Variants in ZNF3 observed in about 807,000 individuals in gnomAD.
ZNF3 encodes zinc finger protein 3.
In ZNF3, 16 loss-of-function variants were observed where a neutral mutation model predicts 36.9. The ratio of observed to expected loss-of-function variants is 0.43; its 90% confidence interval spans 0.29 to 0.66. The LOEUF (loss-of-function observed/expected upper bound fraction) is 0.66, where lower values mean the gene tolerates loss of function less well. ZNF3 is among the 30% of genes least tolerant of loss of function. The pLI, the probability that ZNF3 is intolerant of heterozygous loss-of-function variation, is 0.13. For synonymous variants in ZNF3, 201 were observed against 201.9 expected (o/e 1.00, Z 0.04); for missense variants, 462 against 543.1 (o/e 0.85, Z 1.48).
At chr7:100,066,609 C>T (rs1792663221), downstream of ZNF3, among the ~76,000 whole-genome samples, 1 of 151,644 alleles carries the variant, frequency 6.6e-6, no homozygotes, top group East Asian at 1.9e-4. Context: ...TGGTGGCGGG[C>T]ACCTGTAGTC....
At chr7:100,078,532 A>G (rs972523766) in intron 2 of ZNF3, 1 of 150,984 alleles carries the variant, frequency 6.6e-6, no homozygotes, top group African/African-American at 2.4e-5. Flanking sequence ...GAAAAAATAC[A>G]AAAATTAGCT....
downstream of ZNF3, among the ~76,000 whole-genome samples, chr7:100,066,834 A>G (rs2116209014): frequency 6.6e-6 from 1 of 152,272 alleles, no homozygotes; most frequent in East Asian, 1.9e-4. Flanking sequence ...CAGGAGTTTG[A>G]GACCAGCCTG....
chr7:100,079,246 C>T (rs1352599349), intron 2 of ZNF3: 2 of 152,220 alleles, frequency 1.3e-5, no homozygotes, highest in Non-Finnish European at 2.9e-5. Flanking sequence ...AGTACAAACT[C>T]CTAGAAAGGC....
chr7:100,069,620 CTTT>C (rs1195614527), downstream of ZNF3, among the ~76,000 whole-genome samples: 1 of 142,958 alleles, frequency 7.0e-6, no homozygotes, highest in African/African-American at 2.6e-5. Flanking sequence ...CATGTCTTGT[CTTT>C]TTTTTTTGAG....
chr7:100,064,603 G>C, exon 6 of ZNF3: 1 of 1,613,352 alleles, frequency 6.2e-7, no homozygotes, highest in Non-Finnish European at 8.5e-7. Context: ...CACTGGAGAG[G>C]GAGAAGCACC....
chr7:100,064,794 G>C (rs959486268), exon 6 of ZNF3: 2 of 1,614,026 alleles, frequency 1.2e-6, no homozygotes, highest in Non-Finnish European at 1.7e-6. Flanking sequence ...GTCCTCAGAA[G>C]GTGTCAGGAG....
In ZNF3 at chr7:100,071,634, A is replaced by T; in HGVS notation, c.850T>A (p.Tyr284Asn). ...HRRIHTGEKP[Y>N]ECNECGKTFS... is the part of the protein sequence containing the mutation. ...GTCTTCCCACACTCATTACATTCAT[A>T]GGGTTTCTCCCCCGTGTGGATCCTC... Residue 284 changes from tyrosine (Y) to asparagine (N), a missense_variant, in exon 6 of 6, where the codon TAT becomes AAT. Physicochemically the swap from Tyr to Asn is moderately radical, Grantham distance 143. Transcript: ENST00000299667. 6.2e-7 allele frequency: 1 copy of T among 1,613,976 alleles called. No homozygotes were observed.
At position 100,070,008 on chromosome 7, in the gene ZNF3, C is replaced by A; in HGVS notation, c.*1135G>T. 7 of 985,862 alleles carry A rather than the reference C, an allele frequency of 7.1e-6. No individual in the cohort carries two copies. Among genetic ancestry groups the A allele is most frequent in the African/African-American group, 1.7e-5 (1 of 57,366 alleles). 61.1% of individuals were successfully genotyped at this position (985,862 alleles called of 1,614,324 possible). A position where few individuals can be genotyped will look rare whatever the true frequency, so the allele number is the denominator to read the frequency against. On this transcript the variant is annotated 3_prime_UTR_variant, in exon 6 of 6. Transcript: ENST00000299667. ...AACTATTCTGTTTAATAGTGCACTT[C>A]ATTTATGCTACAGGATGAGCAGGGT...
At position 100,079,543 on chromosome 7, in the gene ZNF3, A is replaced by T. The variant is rs947397686; in HGVS notation, c.-84T>A. On this transcript the variant is annotated 5_prime_UTR_variant, in exon 2 of 6. Coordinates refer to ENST00000299667, the MANE Select transcript of ZNF3 (RefSeq NM_032924.5). Reference sequence around the variant, plus strand: ...AGACACGGAAAGCTTTACCTGCCTGATTCTTTCCTTCCTTCTTTGAAGTCA... The same window carrying T: ...AGACACGGAAAGCTTTACCTGCCTGTTTCTTTCCTTCCTTCTTTGAAGTCA... 6 of 152,174 alleles carry T rather than the reference A, an allele frequency of 3.9e-5. No individual in the cohort carries two copies. The highest frequency in any genetic ancestry group is 1.4e-4 in the African/African-American group (6 of 41,426). The allele number at this position is 152,174 out of a possible 1,614,324, so 9.4% of individuals were successfully genotyped here. A position where few individuals can be genotyped will look rare whatever the true frequency, so the allele number is the denominator to read the frequency against.
chr7:100,078,436 C>T (rs1375463601), intron 2 of ZNF3, among the ~76,000 whole-genome samples: 1 of 148,484 alleles, frequency 6.7e-6, no homozygotes, highest in Non-Finnish European at 1.5e-5. Flanking sequence ...GTGGAGGTTG[C>T]AGTGAGCCGA....
downstream of ZNF3, among the ~76,000 whole-genome samples, chr7:100,066,470 G>T: frequency 6.6e-6 from 1 of 151,910 alleles, no homozygotes; most frequent in East Asian, 1.9e-4. Context: ...GGTGGCTCAC[G>T]CCTCTAATCC....
chr7:100,072,058 G>A lies in ZNF3; in HGVS notation c.426C>T (p.Asn142=), dbSNP rs372914010. 1.2e-6 allele frequency: 2 copies of A among 1,614,094 alleles called. No homozygotes were observed. Among genetic ancestry groups the A allele is most frequent in the African/African-American group, 2.7e-5 (2 of 74,938 alleles). The change falls in exon 6 of 6, where the codon AAC becomes AAT. Residue 142 remains asparagine, a synonymous_variant. Transcript: ENST00000299667. ...REVSLKRPLG[N]SPGERLNRKM... is the part of the protein sequence containing the mutation. ...TCCTGTTCAGTCTTTCTCCAGGGGA[G>A]TTCCCCAGCGGCCTTTTCAGACTGA...
Position 100,075,224 on chromosome 7 carries a change from A to T in ZNF3, c.182T>A (p.Ile61Asn). The change falls in exon 5 of 6, where the codon ATC becomes AAC. Residue 61 changes from isoleucine (I) to asparagine (N), a missense_variant. Ile to Asn is a moderately radical substitution (Grantham distance 149). Coordinates refer to ENST00000299667, the MANE Select transcript of ZNF3 (RefSeq NM_032924.5). The stretch of plus-strand genomic sequence containing the variant: ...TTCCAAACGCTTCCACTCCTTCCGG[A>T]TGAAGTACACAGCTACATCCTCAAA... ...VTFEDVAVYFIRKEWKRLEPA... is the reference protein window; with the variant it reads ...VTFEDVAVYFNRKEWKRLEPA... 1 of 1,614,174 alleles carries T rather than the reference A, an allele frequency of 6.2e-7. No individual in the cohort carries two copies. Among genetic ancestry groups the T allele is most frequent in the Non-Finnish European group, 8.5e-7 (1 of 1,180,036 alleles).
chr7:100,081,693 C>T lies in ZNF3; in HGVS notation c.-256G>A, dbSNP rs536172000. On this transcript the variant is annotated 5_prime_UTR_variant, in exon 1 of 6. Transcript: ENST00000299667. The surrounding 1 kb of genome is among the most constrained non-coding windows in gnomAD (Gnocchi z 4.3). The stretch of plus-strand genomic sequence containing the variant: ...GACACGGACCAGGCCCTGTTGGACC[C>T]TGTCACAGACCCACACACCGGGGAC... 171 of 152,510 alleles carry T rather than the reference C, an allele frequency of 1.1e-3. No individual in the cohort carries two copies. The highest frequency in any genetic ancestry group is 3.9e-3 in the African/African-American group (164 of 41,586). 9.4% of individuals were successfully genotyped at this position (152,510 alleles called of 1,614,324 possible).
exon 6 of ZNF3, chr7:100,064,582 C>G (rs551225238): frequency 1.9e-6 from 3 of 1,614,186 alleles, no homozygotes; most frequent in South Asian, 1.1e-5. Flanking sequence ...TTCCAAACAT[C>G]AGCGAGTCCA....
In ZNF3 at chr7:100,071,115, A is replaced by G; in HGVS notation, c.*28T>C. The G allele has an allele frequency of 6.5e-7, 1 of 1,548,294 alleles. No individual in the cohort carries two copies. The highest frequency in any genetic ancestry group is 8.7e-7 in the Non-Finnish European group (1 of 1,148,828). The stretch of plus-strand genomic sequence containing the variant: ...GGCAAGAGCTCTTGAGACTCAGGGA[A>G]AGTGAGGAAAATGGGTGTGTGGCTC... On this transcript the variant is annotated 3_prime_UTR_variant, in exon 6 of 6. Transcript: ENST00000299667.
Position 100,080,995 on chromosome 7 carries a change from T to A in ZNF3, c.-198+640A>T, listed in dbSNP as rs569983907. On this transcript the variant is annotated intron_variant, in intron 1 of 5. Transcript: ENST00000299667. ...CACTCTGCTATCTTCTCCTGGAGTTTACAAAAGCCCTTCAGAGTGTAAACA... is the reference window on the plus strand; with the variant it reads ...CACTCTGCTATCTTCTCCTGGAGTTAACAAAAGCCCTTCAGAGTGTAAACA... 1.8e-3 allele frequency among the ~76,000 whole-genome samples: 273 copies of A among 152,274 alleles called. 1 individual carries two copies. Among genetic ancestry groups the A allele is most frequent in the Middle Eastern group, 6.8e-3 (2 of 294 alleles).
chr7:100,070,886 T>G lies in ZNF3; in HGVS notation c.*257A>C. 7.9e-7 allele frequency: 1 copy of G among 1,260,354 alleles called. No individual in the cohort carries two copies. The highest frequency in any genetic ancestry group is 1.0e-6 in the Non-Finnish European group (1 of 1,002,220). The allele number at this position is 1,260,354 out of a possible 1,614,324, so 78.1% of individuals were successfully genotyped here. ...TTCCTCTGCTGTGAGAAAAACAGTTTAGTGCAAACTCCTTTCCTAAATGGG... is the reference window on the plus strand; with the variant it reads ...TTCCTCTGCTGTGAGAAAAACAGTTGAGTGCAAACTCCTTTCCTAAATGGG... On this transcript the variant is annotated 3_prime_UTR_variant, in exon 6 of 6. Transcript: ENST00000299667.
At position 100,070,485 on chromosome 7, in the gene ZNF3, G is replaced by A. The variant is rs570236098; in HGVS notation, c.*658C>T. 3.9e-5 allele frequency: 38 copies of A among 985,114 alleles called. No homozygotes were observed. The highest frequency in any genetic ancestry group is 4.2e-5 in the Non-Finnish European group (35 of 829,808). The allele number at this position is 985,114 out of a possible 1,614,324, so 61.0% of individuals were successfully genotyped here. A position where few individuals can be genotyped will look rare whatever the true frequency, so the allele number is the denominator to read the frequency against. ...TGCCCATTCAGCCCCAGGACAACTG[G>A]GGGGGATGGCAGGGGGTCTGCTGGC... On this transcript the variant is annotated 3_prime_UTR_variant, in exon 6 of 6. Transcript: ENST00000299667.
Sources: allele counts gnomAD v4.1 joint callset (sites outside exome capture counted in the v4.1 genomes callset), GRCh38; gene constraint gnomAD v4.1.1; non-coding constraint Gnocchi (gnomAD v3.1); transcripts MANE v1.5; gene names NCBI Gene and HGNC (gene_info 2026-07-23, HGNC 2026-07-21).